EDA2R: variants seen among roughly 807,000 people sequenced by gnomAD.
EDA2R encodes the protein tumor necrosis factor receptor superfamily member 27.
In EDA2R, 26 loss-of-function variants were observed where a neutral mutation model predicts 20.1. That is an observed-to-expected ratio of 1.30 (90% CI 0.95 to 1.80). The LOEUF is 1.80. EDA2R is among the 40% of genes most tolerant of loss of function. The pLI is 0.00. For synonymous variants in EDA2R, 114 were observed against 88.7 expected, an observed-to-expected ratio of 1.29 and a Z score of -1.60; for missense variants, 277 against 228.7, an observed-to-expected ratio of 1.21 and a Z score of -1.36.
chrX:66,626,310 A>C (rs1207321343), intron 1 of EDA2R, among the ~76,000 whole-genome samples: 1 of 112,242 alleles, frequency 8.9e-6, no homozygotes, highest in African/African-American at 3.2e-5. Flanking sequence ...AATAGATACC[A>C]TAAAGAAAAA....
chrX:66,621,816 A>G lies in EDA2R; in HGVS notation c.-10-5786T>C, dbSNP rs778070055. On this transcript the variant is annotated intron_variant, in intron 1 of 6. Transcript: ENST00000374719. ...GGTCATGAAAATGCCCTGGAATTAG[A>G]CAGTGGTGACGGTCGTGTGACTTTG... Among the ~76,000 whole-genome samples, 5 of 112,284 alleles carry G rather than the reference A, an allele frequency of 4.5e-5. No individual in the cohort carries two copies. The South Asian group carries it at 1.9e-3, about 42-fold the overall frequency.
chrX:66,625,100 T>A (rs1181005278), intron 1 of EDA2R, among the ~76,000 whole-genome samples: 1 of 111,175 alleles, frequency 9.0e-6, no homozygotes, highest in Non-Finnish European at 1.9e-5. Context: ...CAGGGGAAAA[T>A]GCCACGGGGA....
intron 2 of EDA2R, among the ~76,000 whole-genome samples, chrX:66,611,625 T>C (rs1930752337): frequency 9.0e-6 from 1 of 110,735 alleles, no homozygotes; most frequent in African/African-American, 3.3e-5. Context: ...AACAACAGAA[T>C]TTATGCAATA....
At chrX:66,603,302 C>T (rs758004784) in intron 4 of EDA2R, among the ~76,000 whole-genome samples, 2 of 112,133 alleles carry the variant, frequency 1.8e-5, no homozygotes, top group East Asian at 2.8e-4. Flanking sequence ...TATGAATATG[C>T]ACACATATCA....
intron 2 of EDA2R, among the ~76,000 whole-genome samples, chrX:66,608,974 T>C (rs1361421148): frequency 1.8e-5 from 2 of 112,253 alleles, no homozygotes; most frequent in African/African-American, 6.5e-5. Context: ...TGCTGAATTA[T>C]ACACTTACAA....
intron 2 of EDA2R, among the ~76,000 whole-genome samples, chrX:66,609,077 TG>T (rs1349480402): frequency 3.6e-5 from 4 of 111,700 alleles, no homozygotes; most frequent in African/African-American, 1.3e-4. Flanking sequence ...TAAACCTAAA[TG>T]GGTGAATTGA....
rs1197565612 is a variant in EDA2R, at chrX:66,596,594, TTGAACCAC to T, written c.*1502_*1509del. 9.0e-6 allele frequency: 1 copy of T among 111,177 alleles called. No individual in the cohort carries two copies. Among genetic ancestry groups the T allele is most frequent in the Admixed American group, 9.6e-5 (1 of 10,412 alleles). 9.2% of individuals were successfully genotyped at this position (111,177 alleles called of 1,213,427 possible). ...TAGAGCAGCAGTGTCAAATGTGGGC[TTGAACCAC>T]TGCCAGCCACATGGCAACCTTTGAA... On this transcript the variant is annotated 3_prime_UTR_variant, in exon 7 of 7. Coordinates refer to ENST00000374719, the MANE Select transcript of EDA2R (RefSeq NM_021783.5).
At position 66,599,622 on chromosome X, in the gene EDA2R, G is replaced by A. The variant is rs201248410; in HGVS notation, c.756C>T (p.Ile252=). The A allele has an allele frequency of 1.6e-5, 19 of 1,203,183 alleles. No homozygotes were observed. In the East Asian group the frequency reaches 4.5e-4, roughly 28 times the overall value. The change falls in exon 6 of 7, where the codon ATC becomes ATT. Residue 252 remains isoleucine (I), a synonymous_variant. Coordinates refer to ENST00000374719, the MANE Select transcript of EDA2R (RefSeq NM_021783.5). ...TTTGCAGGTCCAGCTCTGTGCATTC[G>A]ATGGGGCTGTGGACCCAGTGGGAGT... is the stretch of plus-strand genomic sequence containing the variant. ...ESHSHWVHSP[I]ECTELDLQKF... is the part of the protein sequence containing the mutation.
chrX:66,600,149 C>T, intron 5 of EDA2R: 1 of 939,990 alleles, frequency 1.1e-6, no homozygotes, highest in Non-Finnish European at 1.5e-6. Context: ...ATCTCCCTTG[C>T]CATAATCTTC....
chrX:66,621,045 G>A (rs1299607852), intron 1 of EDA2R, among the ~76,000 whole-genome samples: 2 of 109,618 alleles, frequency 1.8e-5, no homozygotes, highest in Admixed American at 9.8e-5. Flanking sequence ...GGGAGGCCGA[G>A]GCAGGTGGAT....
In EDA2R at chrX:66,599,569, C is replaced by A; in HGVS notation, c.809G>T (p.Gly270Val). 8.4e-7 allele frequency: 1 copy of A among 1,193,182 alleles called. No individual in the cohort carries two copies. The highest frequency in any genetic ancestry group is 1.1e-6 in the Non-Finnish European group (1 of 885,648). The change falls in exon 6 of 7, where the codon GGA becomes GTA. Residue 270 changes from glycine to valine, a missense_variant. Coordinates refer to ENST00000374719, the MANE Select transcript of EDA2R (RefSeq NM_021783.5). ...QKFSSSASYT[G>V]AETLGGNTVE... is the part of the protein sequence containing the mutation. ...TGTGTTTCCCCCCAAGGTCTCAGCTCCAGTATAGGAGGCAGAGCTGGAAAA... is the reference window on the plus strand; with the variant it reads ...TGTGTTTCCCCCCAAGGTCTCAGCTACAGTATAGGAGGCAGAGCTGGAAAA...
intron 1 of EDA2R, among the ~76,000 whole-genome samples, chrX:66,635,105 G>A (rs1403735715): frequency 8.9e-6 from 1 of 111,902 alleles, no homozygotes; most frequent in African/African-American, 3.2e-5. Flanking sequence ...AAGATAGGGA[G>A]AATTAATTTC....
intron 4 of EDA2R, among the ~76,000 whole-genome samples, chrX:66,604,049 C>T (rs1266579886): frequency 9.0e-6 from 1 of 111,468 alleles, no homozygotes; most frequent in Non-Finnish European, 1.9e-5. Context: ...CTTACAAGTC[C>T]TCAGCCCTAG....
chrX:66,602,865 T>A, intron 4 of EDA2R, 68 bp from the exon 5 acceptor site: 1 of 1,002,886 alleles, frequency 1.0e-6, no homozygotes, highest in Non-Finnish European at 1.3e-6. Flanking sequence ...ACCCTGGACC[T>A]GGACTTCCTC....
chrX:66,620,038 G>T (rs1354610153), intron 1 of EDA2R, among the ~76,000 whole-genome samples: 2 of 111,232 alleles, frequency 1.8e-5, no homozygotes, highest in Non-Finnish European at 3.8e-5. Context: ...TACAGCACTG[G>T]CTTCTATCAC....
intron 1 of EDA2R, among the ~76,000 whole-genome samples, chrX:66,633,899 T>G (rs1425574660): frequency 9.0e-6 from 1 of 111,610 alleles, no homozygotes; most frequent in Non-Finnish European, 1.9e-5. Flanking sequence ...GTACTCCAAT[T>G]TCTGATTTCT....
chrX:66,610,820 A>G (rs920805988), intron 2 of EDA2R, among the ~76,000 whole-genome samples: 6 of 111,330 alleles, frequency 5.4e-5, no homozygotes, highest in African/African-American at 2.0e-4. Context: ...CCTCTTCCCC[A>G]TGGGCCTGCG....
rs1162391392 is a variant in EDA2R at position 66,638,989 on chromosome X, A to G, written c.-11+6T>C. ...TTGCCACACCAGGGGGTGTTCCCACACTCACCCGGTAACGGACGAGTAGAT... is the reference window on the plus strand; with the variant it reads ...TTGCCACACCAGGGGGTGTTCCCACGCTCACCCGGTAACGGACGAGTAGAT... On this transcript the variant is annotated splice_donor_region_variant and intron_variant, in intron 1 of 6. Transcript: ENST00000374719. The G allele has an allele frequency of 9.1e-6, 1 of 109,931 alleles. No homozygotes were observed. The highest frequency in any genetic ancestry group is 1.9e-5 in the Non-Finnish European group (1 of 52,712). 9.1% of individuals were successfully genotyped at this position (109,931 alleles called of 1,213,427 possible). A position where few individuals can be genotyped will look rare whatever the true frequency, so the allele number is the denominator to read the frequency against.
intron 1 of EDA2R, among the ~76,000 whole-genome samples, chrX:66,620,737 CA>C (rs1932455806): frequency 9.1e-6 from 1 of 109,434 alleles, no homozygotes; most frequent in East Asian, 2.9e-4. Flanking sequence ...TAATAGGACA[CA>C]AAAATTTTCA....
Sources: gnomAD v4.1 joint callset for allele counts (sites outside exome capture counted in the v4.1 genomes callset) on GRCh38, gnomAD v4.1.1 for gene constraint, MANE v1.5 for transcripts, NCBI Gene and HGNC (gene_info 2026-07-23, HGNC 2026-07-21) for gene names.